Variants in DEUP1 observed in about 807,000 individuals in gnomAD.
DEUP1 encodes deuterosome assembly protein 1, also known as coiled-coil domain containing 67.
DEUP1 carries 82 observed loss-of-function variants against 87.4 expected under a neutral mutation model. The ratio of observed to expected loss-of-function variants is 0.94; its 90% CI spans 0.78 to 1.13. DEUP1 has a LOEUF of 1.13. Among genes scored for constraint, DEUP1 ranks in the 50% most tolerant of loss-of-function variants. DEUP1 has a pLI of 0.00. For synonymous variants in DEUP1, 214 were observed against 222.7 expected (o/e 0.96, Z 0.35); for missense variants, 663 against 681.5 (o/e 0.97, Z 0.30).
Position 93,415,076 on chromosome 11 carries a change from A to G in DEUP1, c.1600A>G (p.Thr534Ala). The G allele has an allele frequency of 1.2e-6, 2 of 1,610,128 alleles. No homozygotes were observed. ...TTCGACATTTCAAGCCAAAGAAATG[A>G]CAAGTCCTTTGGTTAGTGATGATGA... The part of the protein sequence containing the change: ...PPSTFQAKEM[T>A]SPLVSDDDVF... The change falls in exon 13 of 14, where the codon ACA (threonine) becomes GCA (alanine). Residue 534 changes from threonine to alanine, a missense_variant. Thr to Ala is a moderately conservative substitution (Grantham distance 58). Coordinates refer to ENST00000298050, the MANE Select transcript of DEUP1 (RefSeq NM_181645.4).
At chr11:93,400,844 T>A (rs1947094823) in intron 11 of DEUP1, among the ~76,000 whole-genome samples, 1 of 152,058 alleles carries the variant, frequency 6.6e-6, no homozygotes, top group African/African-American at 2.4e-5. Context: ...AACATCATAC[T>A]AAATGGGGAA....
At chr11:93,331,157 C>T (rs1325041141) in intron 1 of DEUP1, among the ~76,000 whole-genome samples, 1 of 133,088 alleles carries the variant, frequency 7.5e-6, no homozygotes, top group African/African-American at 2.7e-5. Flanking sequence ...TGCTCCTCTC[C>T]GCTCTGTCTC....
chr11:93,417,475 G>A (rs1044391890), intron 13 of DEUP1, among the ~76,000 whole-genome samples: 14 of 152,166 alleles, frequency 9.2e-5, no homozygotes, highest in Non-Finnish European at 8.8e-5. Context: ...ACTTACAAGG[G>A]AAGTGAAGGA....
rs1565316353 is a variant in DEUP1, at chr11:93,373,627, A to ATATATATATATATATGTG, written c.789+2362_789+2363insGTGTATATATATATATAT. Among the ~76,000 whole-genome samples the ATATATATATATATATGTG allele has an allele frequency of 6.6e-3, 794 of 119,824 alleles. 12 individuals are homozygous for ATATATATATATATATGTG. Among genetic ancestry groups the ATATATATATATATATGTG allele is most frequent in the African/African-American group, 0.025 (764 of 30,636 alleles). The allele number at this position is 119,824 out of a possible 152,430, so 78.6% of individuals were successfully genotyped here. A position where few individuals can be genotyped will look rare whatever the true frequency, so the allele number is the denominator to read the frequency against. On this transcript the variant is annotated intron_variant, in intron 7 of 13. Coordinates refer to ENST00000298050, the MANE Select transcript of DEUP1 (RefSeq NM_181645.4). ...TATTTATATATGTATATATATACGTATATATATATATATATATATATATAC... is the reference window on the plus strand; with the variant it reads ...TATTTATATATGTATATATATACGTATATATATATATATATGTGTATATATATATATATATATATATAC...
intron 2 of DEUP1, among the ~76,000 whole-genome samples, chr11:93,348,655 A>C (rs114540219): frequency 0.012 from 1,851 of 152,288 alleles, 38 homozygotes; most frequent in African/African-American, 0.043. Context: ...GAGCGAATTT[A>C]TTAGTGTTGA....
At chr11:93,352,381 T>C in intron 2 of DEUP1, 3 of 702,562 alleles carry the variant, frequency 4.3e-6, no homozygotes, top group Non-Finnish European at 7.8e-6. Flanking sequence ...TGGAGAATGC[T>C]TCAGCTTCTT....
In DEUP1 at chr11:93,437,666, A is replaced by G. The variant is rs776813271; in HGVS notation, c.1762A>G (p.Thr588Ala). The G allele has an allele frequency of 3.7e-6, 6 of 1,609,770 alleles. No homozygotes were observed. The highest frequency in any genetic ancestry group is 5.1e-6 in the Non-Finnish European group (6 of 1,176,272). The change falls in exon 14 of 14, where the codon ACA becomes GCA. Residue 588 changes from threonine to alanine, a missense_variant. By Grantham distance (58) the Thr-to-Ala change is moderately conservative. Coordinates refer to ENST00000298050, the MANE Select transcript of DEUP1 (RefSeq NM_181645.4). The part of the protein sequence containing the change: ...NTHIDELQRH[T>A]EFTLNKYSKL... ...ACATATTGATGAACTGCAAAGACAC[A>G]CAGAATTTACTCTTAATAAATACTC...
chr11:93,367,680 C>T (rs1359247418), intron 5 of DEUP1, among the ~76,000 whole-genome samples: 1 of 152,124 alleles, frequency 6.6e-6, no homozygotes, highest in Non-Finnish European at 1.5e-5. Context: ...ACCTGGTGGA[C>T]ATTAACTGCT....
chr11:93,393,221 G>A (rs1333151398), intron 9 of DEUP1, among the ~76,000 whole-genome samples: 5 of 150,220 alleles, frequency 3.3e-5, no homozygotes, highest in African/African-American at 7.3e-5. Flanking sequence ...CCTTCCACCC[G>A]ACTAACTGAG....
At chr11:93,435,716 A>C (rs1196001198) in intron 13 of DEUP1, among the ~76,000 whole-genome samples, 5 of 152,068 alleles carry the variant, frequency 3.3e-5, no homozygotes, top group African/African-American at 9.7e-5. Context: ...TAATTTTTTC[A>C]CCAGGCATGG....
Position 93,352,288 on chromosome 11 carries a change from T to C in DEUP1, c.30-3083T>C, listed in dbSNP as rs1020740758. ...TAACTTGCTTTTCTAATCTGGACGT[T>C]TGTATGTTCCTTAGGCTGAAGTGTA... On this transcript the variant is annotated intron_variant, in intron 2 of 13. Transcript: ENST00000298050. The C allele has an allele frequency of 1.2e-5, 8 of 692,138 alleles. No individual in the cohort carries two copies. In the African/African-American group the frequency reaches 1.4e-4, roughly 12 times the overall value. 42.9% of individuals were successfully genotyped at this position (692,138 alleles called of 1,614,324 possible).
At chr11:93,376,767 T>C (rs958706367) in intron 7 of DEUP1, among the ~76,000 whole-genome samples, 1 of 152,234 alleles carries the variant, frequency 6.6e-6, no homozygotes, top group Non-Finnish European at 1.5e-5. Flanking sequence ...GCTATGAACT[T>C]TCCTCTTAGT....
chr11:93,438,022 C>A lies in DEUP1; in HGVS notation c.*303C>A. ...GAATCAAATATGCAGTTTTTTTTCCCCACTTGAATCATGTATACTGAAAAC... is the reference window on the plus strand; with the variant it reads ...GAATCAAATATGCAGTTTTTTTTCCACACTTGAATCATGTATACTGAAAAC... On this transcript the variant is annotated 3_prime_UTR_variant, in exon 14 of 14. Transcript: ENST00000298050. 4.4e-6 allele frequency: 1 copy of A among 225,488 alleles called. No individual in the cohort carries two copies. The highest frequency in any genetic ancestry group is 8.6e-6 in the Non-Finnish European group (1 of 116,520). The allele number at this position is 225,488 out of a possible 1,614,324, so 14.0% of individuals were successfully genotyped here.
intron 13 of DEUP1, among the ~76,000 whole-genome samples, chr11:93,418,345 A>G (rs1947723369): frequency 6.6e-6 from 1 of 152,016 alleles, no homozygotes; most frequent in East Asian, 1.9e-4. Context: ...GAAAAAAACA[A>G]ACAACCCCAT....
At position 93,352,285 on chromosome 11, in the gene DEUP1, C is replaced by T. The variant is rs186999558; in HGVS notation, c.30-3086C>T. ...AAATAACTTGCTTTTCTAATCTGGA[C>T]GTTTGTATGTTCCTTAGGCTGAAGT... On this transcript the variant is annotated intron_variant, in intron 2 of 13. Transcript: ENST00000298050. The T allele has an allele frequency of 1.4e-3, 962 of 688,538 alleles. 17 individuals carry two copies. The highest frequency in any genetic ancestry group is 9.6e-3 in the Middle Eastern group (41 of 4,288). The allele number at this position is 688,538 out of a possible 1,614,324, so 42.7% of individuals were successfully genotyped here. A position where few individuals can be genotyped will look rare whatever the true frequency, so the allele number is the denominator to read the frequency against.
At chr11:93,399,625 GTACTGTTATGAATAAAA>G (rs1265372335) in intron 11 of DEUP1, among the ~76,000 whole-genome samples, 1 of 151,552 alleles carries the variant, frequency 6.6e-6, no homozygotes, top group African/African-American at 2.4e-5. Flanking sequence ...GCAATTTTTA[GTACTGTTATGAATAAAA>G]TATTTTCCTT....
chr11:93,415,973 T>G (rs1947608046), intron 13 of DEUP1, among the ~76,000 whole-genome samples: 1 of 152,282 alleles, frequency 6.6e-6, no homozygotes, highest in East Asian at 1.9e-4. Flanking sequence ...ATGAGTCTTT[T>G]GGTGCATGTG....
At chr11:93,405,522 C>G (rs1039666621) in intron 11 of DEUP1, among the ~76,000 whole-genome samples, 1 of 151,908 alleles carries the variant, frequency 6.6e-6, no homozygotes, top group Non-Finnish European at 1.5e-5. Flanking sequence ...AAAGTTTGCC[C>G]TCCTGAAGCA....
chr11:93,389,076 T>C lies in DEUP1; in HGVS notation c.992T>C (p.Leu331Pro), dbSNP rs1308407819. ...GAACCAGAAAGGAAAATAAAAGAGCTGTTTTCAGTGATGCAAGATCAACCA... is the reference window on the plus strand; with the variant it reads ...GAACCAGAAAGGAAAATAAAAGAGCCGTTTTCAGTGATGCAAGATCAACCA... ...IKEPERKIKELFSVMQDQPNH... is the reference protein window; with the variant it reads ...IKEPERKIKEPFSVMQDQPNH... Residue 331 changes from leucine to proline, a missense_variant, in exon 9 of 14, where the codon CTG becomes CCG. Transcript: ENST00000298050. 1.9e-6 allele frequency: 3 copies of C among 1,604,390 alleles called. No homozygotes were observed. The Admixed American group carries it at 5.1e-5, about 27-fold the overall frequency.
Sources: allele counts gnomAD v4.1 joint callset (sites outside exome capture counted in the v4.1 genomes callset), GRCh38; gene constraint gnomAD v4.1.1; transcripts MANE v1.5; gene names NCBI Gene and HGNC (gene_info 2026-07-23, HGNC 2026-07-21).